WDR7: variants seen among roughly 807,000 people sequenced by gnomAD.
The protein encoded by WDR7 is WD repeat-containing protein 7.
WDR7 carries 46 observed loss-of-function variants against 169.4 expected under a neutral mutation model. That is an observed-to-expected ratio of 0.27 (90% confidence interval 0.21 to 0.35). The LOEUF (loss-of-function observed/expected upper bound fraction) is 0.35. WDR7 is among the 10% of genes least tolerant of loss of function. The probability of loss-of-function intolerance (pLI) is 1.00; values close to 1 mark genes in which losing one functional copy is unlikely to be tolerated. For synonymous variants in WDR7, 612 were observed against 666.8 expected, an observed-to-expected ratio of 0.92 and a Z score of 1.27; for missense variants, 1,534 against 1,859.3, an observed-to-expected ratio of 0.83 and a Z score of 3.22.
At chr18:56,749,583 A>C (rs2043757252) in intron 14 of WDR7, among the ~76,000 whole-genome samples, 1 of 152,084 alleles carries the variant, frequency 6.6e-6, no homozygotes, top group East Asian at 1.9e-4. Context: ...TTTAATTAAC[A>C]ATAGGAACCA....
chr18:56,719,080 T>G (rs907928712), intron 13 of WDR7, among the ~76,000 whole-genome samples: 1 of 152,246 alleles, frequency 6.6e-6, no homozygotes, highest in Admixed American at 6.5e-5. Flanking sequence ...CTGTCAAACT[T>G]CCTTGCTTTT....
chr18:57,015,538 GT>G (rs2048194351), intron 26 of WDR7, among the ~76,000 whole-genome samples: 1 of 152,060 alleles, frequency 6.6e-6, no homozygotes, highest in Non-Finnish European at 1.5e-5. Flanking sequence ...TAACAGAGCT[GT>G]CAGTCAGAGC....
rs557586406 is a variant in WDR7 at position 56,731,419 on chromosome 18, T to C, written c.1811T>C (p.Val604Ala). 216 of 1,614,168 alleles carry C rather than the reference T, an allele frequency of 1.3e-4. 1 individual carries two copies. The highest frequency in any genetic ancestry group is 1.2e-3 in the South Asian group (113 of 91,080). ...LDRCVMGITA[V>A]EILNACDEAV... is the part of the protein sequence containing the mutation. ...CGTTGTGTGATGGGGATAACAGCAG[T>C]TGAGATTCTAAACGCTTGTGATGAA... Residue 604 changes from valine (V) to alanine (A), a missense_variant, in exon 14 of 28, where the codon GTT becomes GCT. Coordinates refer to ENST00000254442, the MANE Select transcript of WDR7 (RefSeq NM_015285.3).
intron 20 of WDR7, among the ~76,000 whole-genome samples, chr18:56,877,856 T>TC (rs1351865401): frequency 6.6e-6 from 1 of 152,168 alleles, no homozygotes; most frequent in African/African-American, 2.4e-5. Context: ...CAAGACACAG[T>TC]CCATGGTGGG....
At chr18:56,939,549 TAAAAAC>T (rs1469691002) in intron 25 of WDR7, among the ~76,000 whole-genome samples, 156 bp downstream of exon 25, 2 of 152,184 alleles carry the variant, frequency 1.3e-5, no homozygotes, top group African/African-American at 2.4e-5. Flanking sequence ...AGGTTACAGT[TAAAAAC>T]AAAAATATAG....
At chr18:56,755,280 T>G (rs1326662115) in intron 14 of WDR7, among the ~76,000 whole-genome samples, 1 of 152,212 alleles carries the variant, frequency 6.6e-6, no homozygotes, top group East Asian at 1.9e-4. Context: ...CAAGATCAGT[T>G]AGATATTCAC....
At chr18:56,946,336 G>T (rs1240764091) in intron 25 of WDR7, among the ~76,000 whole-genome samples, 1 of 152,222 alleles carries the variant, frequency 6.6e-6, no homozygotes, top group Non-Finnish European at 1.5e-5. Context: ...CTGTCATGTT[G>T]ATGTCACTCA....
chr18:56,938,975 A>T (rs989064142), intron 24 of WDR7, among the ~76,000 whole-genome samples: 13 of 152,130 alleles, frequency 8.5e-5, no homozygotes, highest in African/African-American at 3.1e-4. Flanking sequence ...AAAGGTCTGT[A>T]ATATGTAAAG....
chr18:57,007,789 T>G (rs1173784117), intron 26 of WDR7, among the ~76,000 whole-genome samples: 1 of 152,202 alleles, frequency 6.6e-6, no homozygotes, highest in East Asian at 1.9e-4. Context: ...CCCCTTATAC[T>G]GCTAGTGTCT....
At chr18:56,931,338 TCACACAGAC>T (rs2046881807) in intron 22 of WDR7, among the ~76,000 whole-genome samples, 1 of 152,212 alleles carries the variant, frequency 6.6e-6, no homozygotes, top group Admixed American at 6.5e-5. Context: ...TTAAAATATA[TCACACAGAC>T]AATGCACTCT....
At chr18:56,886,355 A>G (rs186206322) in intron 21 of WDR7, among the ~76,000 whole-genome samples, 193 of 152,320 alleles carry the variant, frequency 1.3e-3, no homozygotes, top group African/African-American at 4.4e-3. Context: ...TTATCAGCCA[A>G]GAATTTTGTA....
intron 21 of WDR7, 31 bp from the exon 22 acceptor site, chr18:56,923,891 T>C (rs1168382457): frequency 2.0e-6 from 3 of 1,490,448 alleles, no homozygotes; most frequent in Non-Finnish European, 2.7e-6. Context: ...AAAATTCCCC[T>C]TTTGCTCTGC....
At chr18:56,679,618 G>GTTAATGAT (rs2025315593) in intron 3 of WDR7, among the ~76,000 whole-genome samples, 180 bp downstream of exon 3, 1 of 151,882 alleles carries the variant, frequency 6.6e-6, no homozygotes, top group Non-Finnish European at 1.5e-5. Context: ...TTTTATCTGT[G>GTTAATGAT]TTAATGATTT....
At chr18:57,004,607 A>C (rs945986300) in intron 26 of WDR7, among the ~76,000 whole-genome samples, 2 of 152,170 alleles carry the variant, frequency 1.3e-5, no homozygotes, top group Non-Finnish European at 2.9e-5. Flanking sequence ...AACCTACTAA[A>C]CGTAAAAATG....
Position 56,718,154 on chromosome 18 carries a change from A to C in WDR7, c.1769A>C (p.Asp590Ala). 6.2e-7 allele frequency: 1 copy of C among 1,609,072 alleles called. No individual in the cohort carries two copies. Among genetic ancestry groups the C allele is most frequent in the Admixed American group, 1.7e-5 (1 of 59,206 alleles). ...GGTTCTGTGTACGTCTGGCAAATGG[A>C]TACTGGTAAGAACAAGTATGAAGAG... ...SDGSVYVWQM[D>A]TGALDRCVMG... The change falls in exon 13 of 28, where the codon GAT becomes GCT. Residue 590 changes from aspartate to alanine, a missense_variant. Asp to Ala is a moderately radical substitution (Grantham distance 126, BLOSUM62 -2). Transcript: ENST00000254442.
At chr18:56,822,712 C>T (rs1407141637) in intron 20 of WDR7, among the ~76,000 whole-genome samples, 1 of 152,100 alleles carries the variant, frequency 6.6e-6, no homozygotes, top group Non-Finnish European at 1.5e-5. Flanking sequence ...TATCACTACC[C>T]TTGCTTTTGA....
chr18:57,015,938 G>T (rs1743870454), intron 26 of WDR7, among the ~76,000 whole-genome samples: 1 of 152,130 alleles, frequency 6.6e-6, no homozygotes, highest in Non-Finnish European at 1.5e-5. Flanking sequence ...ACTTCATTCA[G>T]GCTCACCCTA....
chr18:56,923,111 A>C (rs1568268467), intron 21 of WDR7, among the ~76,000 whole-genome samples: 1 of 152,326 alleles, frequency 6.6e-6, no homozygotes, highest in South Asian at 2.1e-4. Flanking sequence ...TCCCCTCAAA[A>C]AAACAAACAA....
chr18:56,762,703 A>G (rs1315923931), intron 16 of WDR7, among the ~76,000 whole-genome samples: 2 of 151,988 alleles, frequency 1.3e-5, no homozygotes, highest in African/African-American at 2.4e-5. Context: ...AATGACCTCA[A>G]TTTGACTTTA....
Sources: allele counts gnomAD v4.1 joint callset (sites outside exome capture counted in the v4.1 genomes callset), GRCh38; gene constraint gnomAD v4.1.1; transcripts MANE v1.5; gene names NCBI Gene and HGNC (gene_info 2026-07-23, HGNC 2026-07-21).